The following LRRTM4 variants were observed in gnomAD, a reference collection of about 807,000 sequenced individuals.
LRRTM4 encodes the protein leucine rich repeat transmembrane neuronal 4, also known as leucine-rich repeat transmembrane neuronal protein 4.
In LRRTM4, 25 loss-of-function variants were observed where a neutral mutation model predicts 47.6. The observed-to-expected ratio is 0.53, with a 90% confidence interval of 0.38 to 0.73. The LOEUF is 0.73. Ranked by LOEUF, LRRTM4 falls within the 30% of genes least tolerant of loss-of-function variation. The pLI, the probability that LRRTM4 is intolerant of heterozygous loss-of-function variation, is 0.00. For synonymous variants in LRRTM4, 311 were observed against 269.5 expected, an observed-to-expected ratio of 1.15 and a Z score of -1.51; for missense variants, 638 against 713.4, an observed-to-expected ratio of 0.89 and a Z score of 1.20.
chr2:77,424,650 G>C (rs926988969), intron 3 of LRRTM4, among the ~76,000 whole-genome samples: 7 of 152,136 alleles, frequency 4.6e-5, no homozygotes, highest in Non-Finnish European at 1.0e-4. Context: ...AAACCATCAA[G>C]TAATACTTTA....
At chr2:76,976,313 A>G (rs1676416482) in intron 3 of LRRTM4, among the ~76,000 whole-genome samples, 1 of 151,778 alleles carries the variant, frequency 6.6e-6, no homozygotes, top group Non-Finnish European at 1.5e-5. Context: ...AATATATTCT[A>G]TTTAGAGCCA....
chr2:76,826,446 TA>T (rs1671193727), intron 3 of LRRTM4, among the ~76,000 whole-genome samples: 1 of 151,590 alleles, frequency 6.6e-6, no homozygotes, highest in Non-Finnish European at 1.5e-5. Context: ...TTGACACTAT[TA>T]AGGGCAACAC....
At chr2:76,804,264 G>T (rs139795326) in intron 3 of LRRTM4, among the ~76,000 whole-genome samples, 106 of 152,248 alleles carry the variant, frequency 7.0e-4, no homozygotes, top group African/African-American at 2.5e-3. Flanking sequence ...TGTATTCTGA[G>T]ATTTTTTAAT....
chr2:77,419,221 G>A (rs1674771423), intron 3 of LRRTM4, among the ~76,000 whole-genome samples: 1 of 152,050 alleles, frequency 6.6e-6, no homozygotes, highest in Non-Finnish European at 1.5e-5. Context: ...AAACACTTGA[G>A]GCCAAAGTTA....
chr2:77,151,302 C>T (rs1312840042), intron 3 of LRRTM4, among the ~76,000 whole-genome samples: 1 of 152,126 alleles, frequency 6.6e-6, no homozygotes, highest in Non-Finnish European at 1.5e-5. Flanking sequence ...ACTTTATACT[C>T]ATTGAACAAT....
intron 3 of LRRTM4, among the ~76,000 whole-genome samples, chr2:77,345,677 G>A (rs2104285434): frequency 6.6e-6 from 1 of 152,026 alleles, no homozygotes; most frequent in African/African-American, 2.4e-5. Context: ...TCCAGCAATT[G>A]CAACCCTCAT....
chr2:77,029,003 A>G (rs1396613030), intron 3 of LRRTM4, among the ~76,000 whole-genome samples: 2 of 149,524 alleles, frequency 1.3e-5, no homozygotes, highest in Non-Finnish European at 3.0e-5. Flanking sequence ...CCACTGCACT[A>G]TAGCCTGGGT....
At chr2:77,203,096 T>C (rs530685721) in intron 3 of LRRTM4, among the ~76,000 whole-genome samples, 2 of 151,932 alleles carry the variant, frequency 1.3e-5, no homozygotes, top group Non-Finnish European at 2.9e-5. Flanking sequence ...GGAGTAAATA[T>C]ATATATATAC....
At position 76,748,306 on chromosome 2, in the gene LRRTM4, A is replaced by C; in HGVS notation, c.*389T>G. 13 of 164,354 alleles carry C rather than the reference A, an allele frequency of 7.9e-5. No homozygotes were observed. The highest frequency in any genetic ancestry group is 1.7e-4 in the South Asian group (1 of 5,986). 10.2% of individuals were successfully genotyped at this position (164,354 alleles called of 1,614,324 possible). On this transcript the variant is annotated 3_prime_UTR_variant, in exon 4 of 4. Transcript: ENST00000409884. ...CGGTTGTTTCCCTAGCTTCCCACCC[A>C]CCCCTGTTTATTTGCTCCCCTGTGG...
chr2:77,318,971 T>C (rs999414164), intron 3 of LRRTM4, among the ~76,000 whole-genome samples: 5 of 152,040 alleles, frequency 3.3e-5, no homozygotes, highest in African/African-American at 1.2e-4. Context: ...ACTGAGATAG[T>C]CAAGGATAAC....
At chr2:77,292,105 A>G (rs1216952220) in intron 3 of LRRTM4, among the ~76,000 whole-genome samples, 8 of 152,070 alleles carry the variant, frequency 5.3e-5, no homozygotes, top group African/African-American at 1.9e-4. Flanking sequence ...AATGCTCACC[A>G]TCACTGGCTA....
intron 3 of LRRTM4, among the ~76,000 whole-genome samples, chr2:76,952,124 T>C (rs1050190437): frequency 2.6e-5 from 4 of 151,982 alleles, no homozygotes; most frequent in South Asian, 4.1e-4. Context: ...ATATTAGCTA[T>C]AGTAGGCTAT....
At chr2:77,508,867 G>C (rs950018470) in intron 3 of LRRTM4, among the ~76,000 whole-genome samples, 1 of 151,950 alleles carries the variant, frequency 6.6e-6, no homozygotes, top group Admixed American at 6.6e-5. Context: ...GAATTCAAAA[G>C]GAATATTTAA....
At chr2:77,234,281 T>C (rs1558646184) in intron 3 of LRRTM4, among the ~76,000 whole-genome samples, 2 of 152,160 alleles carry the variant, frequency 1.3e-5, no homozygotes, top group Non-Finnish European at 2.9e-5. Flanking sequence ...CAAATGAATC[T>C]CAGTTGATAG....
intron 3 of LRRTM4, among the ~76,000 whole-genome samples, chr2:77,483,593 G>T (rs1034540431): frequency 6.6e-6 from 1 of 152,072 alleles, no homozygotes; most frequent in Non-Finnish European, 1.5e-5. Context: ...TACCCGTCTC[G>T]GCCTCCCAAA....
chr2:77,242,995 G>A (rs1675312149), intron 3 of LRRTM4, among the ~76,000 whole-genome samples: 1 of 152,064 alleles, frequency 6.6e-6, no homozygotes, highest in Non-Finnish European at 1.5e-5. Flanking sequence ...TAGATGAATG[G>A]ATAAACAAAA....
At chr2:76,951,406 G>A (rs954729775) in intron 3 of LRRTM4, among the ~76,000 whole-genome samples, 4 of 151,844 alleles carry the variant, frequency 2.6e-5, no homozygotes, top group African/African-American at 7.2e-5. Context: ...GATAATTACC[G>A]TTAACCTAGA....
At chr2:77,248,131 C>T (rs895398788) in intron 3 of LRRTM4, among the ~76,000 whole-genome samples, 5 of 150,686 alleles carry the variant, frequency 3.3e-5, no homozygotes, top group African/African-American at 1.2e-4. Context: ...TACACATAAA[C>T]TGATTTCAGC....
intron 3 of LRRTM4, among the ~76,000 whole-genome samples, chr2:76,852,265 T>C (rs1672020657): frequency 6.6e-6 from 1 of 152,178 alleles, no homozygotes; most frequent in Non-Finnish European, 1.5e-5. Flanking sequence ...CCAGCAAGCA[T>C]AAACTGAAGG....
Sources: gnomAD v4.1 joint callset for allele counts (sites outside exome capture counted in the v4.1 genomes callset) on GRCh38, gnomAD v4.1.1 for gene constraint, MANE v1.5 for transcripts, NCBI Gene and HGNC (gene_info 2026-07-23, HGNC 2026-07-21) for gene names.